Variants in WASF1 observed in about 807,000 individuals in gnomAD.
WASF1 encodes the protein actin-binding protein WASF1.
A neutral mutation model predicts 50.5 loss-of-function variants in WASF1; 7 were observed. The observed-to-expected ratio is 0.14, with a 90% CI of 0.08 to 0.26. The LOEUF (loss-of-function observed/expected upper bound fraction) is 0.26. WASF1 is among the 10% of genes least tolerant of loss of function. The probability of loss-of-function intolerance (pLI) is 1.00; values close to 1 mark genes in which losing one functional copy is unlikely to be tolerated. For synonymous variants in WASF1, 205 were observed against 244.0 expected, an observed-to-expected ratio of 0.84 and a Z score of 1.49; for missense variants, 470 against 694.7, an observed-to-expected ratio of 0.68 and a Z score of 3.64.
At chr6:110,176,262 T>C (rs184458603) in intron 2 of WASF1, among the ~76,000 whole-genome samples, 2 of 152,250 alleles carry the variant, frequency 1.3e-5, no homozygotes, top group Admixed American at 1.3e-4. Context: ...TACATATATC[T>C]TTTTTATTAC....
intron 3 of WASF1, among the ~76,000 whole-genome samples, chr6:110,136,993 T>C (rs908059224): frequency 3.3e-5 from 5 of 152,224 alleles, no homozygotes; most frequent in Admixed American, 3.3e-4. Flanking sequence ...TGTATCTTCA[T>C]GATTGATTTC....
chr6:110,101,441 T>C lies in WASF1; in HGVS notation c.1522+147A>G, dbSNP rs1392377619. The C allele has an allele frequency of 7.7e-6, 7 of 911,054 alleles. No individual in the cohort carries two copies. In the Admixed American group the frequency reaches 2.3e-4, roughly 30 times the overall value. 56.4% of individuals were successfully genotyped at this position (911,054 alleles called of 1,614,324 possible). On this transcript the variant is annotated intron_variant, in intron 10 of 10. Coordinates refer to ENST00000392589, the MANE Select transcript of WASF1 (RefSeq NM_003931.3). ...CTGGAAAATAATTTTAAATATAAGT[T>C]GGATATAGCTTTACTTTCTAAAGGC... is the stretch of plus-strand genomic sequence containing the variant.
intron 4 of WASF1, among the ~76,000 whole-genome samples, chr6:110,124,235 C>CT (rs1554201262): frequency 0.015 from 161 of 11,010 alleles, 13 homozygotes; most frequent in East Asian, 0.048. Flanking sequence ...TCCTCTCTCT[C>CT]CTCTCTCTCT....
chr6:110,112,914 A>AC (rs1773633185), intron 5 of WASF1, among the ~76,000 whole-genome samples: 1 of 147,776 alleles, frequency 6.8e-6, no homozygotes, highest in South Asian at 2.1e-4. Context: ...AAAAAACAAA[A>AC]AAAAAACCAG....
intron 3 of WASF1, among the ~76,000 whole-genome samples, chr6:110,141,089 G>A (rs1409843439): frequency 6.6e-6 from 1 of 152,012 alleles, no homozygotes; most frequent in East Asian, 1.9e-4. Context: ...TTGACCACTG[G>A]TAACTAAAAC....
chr6:110,127,383 C>T (rs759563100), intron 4 of WASF1, 86 bp downstream of exon 4: 94 of 1,213,502 alleles, frequency 7.7e-5, no homozygotes, highest in Non-Finnish European at 1.0e-4. Flanking sequence ...AATCATACTC[C>T]CAAATTAATC....
chr6:110,122,009 G>A (rs530584054), intron 4 of WASF1, among the ~76,000 whole-genome samples: 160 of 144,796 alleles, frequency 1.1e-3, no homozygotes, highest in African/African-American at 4.0e-3. Flanking sequence ...ACATGGTGGG[G>A]AACATCACAT....
intron 3 of WASF1, among the ~76,000 whole-genome samples, chr6:110,141,956 G>A (rs367873222): frequency 6.6e-6 from 1 of 151,966 alleles, no homozygotes; most frequent in East Asian, 1.9e-4. Flanking sequence ...ATTTTTAGTA[G>A]AGACAGGGTT....
rs201093908 is a variant in WASF1, at chr6:110,103,382, T to C, written c.889A>G (p.Ile297Val). The change falls in exon 9 of 11, where the codon ATC becomes GTC. Residue 297 changes from isoleucine to valine, a missense_variant. Ile to Val is a conservative substitution (Grantham distance 29, BLOSUM62 3). Around this residue, in one of 3 missense-constraint regions of WASF1, gnomAD observed 294 missense variants for 343.5 expected, o/e 0.86. Coordinates refer to ENST00000392589, the MANE Select transcript of WASF1 (RefSeq NM_003931.3). ...CATATGCTTGTTCCAACATACCTGA[T>C]ACAGGTGGGTATCGGTTTTGCATCT... The part of the protein sequence containing the change: ...AGDAKPIPTC[I>V]SSATGLIENR... 5.0e-6 allele frequency: 8 copies of C among 1,612,158 alleles called. No homozygotes were observed. Among genetic ancestry groups the C allele is most frequent in the Middle Eastern group, 1.7e-4 (1 of 6,042 alleles).
intron 3 of WASF1, among the ~76,000 whole-genome samples, chr6:110,129,240 A>G (rs1371696721): frequency 6.6e-6 from 1 of 152,170 alleles, no homozygotes; most frequent in Non-Finnish European, 1.5e-5. Context: ...GTCTACATGA[A>G]ATTTTACTAA....
chr6:110,131,125 T>C (rs1774648953), intron 3 of WASF1, among the ~76,000 whole-genome samples: 1 of 152,214 alleles, frequency 6.6e-6, no homozygotes, highest in Non-Finnish European at 1.5e-5. Context: ...TATTCCACTT[T>C]CTTAGTGATG....
At chr6:110,174,267 T>C (rs1424566948) in intron 2 of WASF1, among the ~76,000 whole-genome samples, 1 of 152,150 alleles carries the variant, frequency 6.6e-6, no homozygotes, top group Non-Finnish European at 1.5e-5. Flanking sequence ...TTCTTTTCCT[T>C]TACAGCATTC....
intron 4 of WASF1, among the ~76,000 whole-genome samples, chr6:110,118,768 T>C (rs1343965379): frequency 1.3e-5 from 2 of 151,462 alleles, no homozygotes; most frequent in Non-Finnish European, 2.9e-5. Flanking sequence ...ATCACACTTA[T>C]TTTAAAACTG....
intron 5 of WASF1, among the ~76,000 whole-genome samples, chr6:110,111,708 C>A (rs2114472682): frequency 6.6e-6 from 1 of 152,200 alleles, no homozygotes; most frequent in African/African-American, 2.4e-5. Context: ...CAGACAGATC[C>A]ATACAGACAA....
intron 4 of WASF1, among the ~76,000 whole-genome samples, chr6:110,120,880 C>G (rs1339584112): frequency 6.6e-6 from 1 of 152,130 alleles, no homozygotes; most frequent in African/African-American, 2.4e-5. Context: ...AGAAATAACA[C>G]CACACATCTA....
chr6:110,168,158 A>G (rs546794238), intron 2 of WASF1, among the ~76,000 whole-genome samples: 1 of 152,200 alleles, frequency 6.6e-6, no homozygotes, highest in Admixed American at 6.6e-5. Context: ...GACCTCTCAC[A>G]TAACAGTTAA....
intron 7 of WASF1, among the ~76,000 whole-genome samples, chr6:110,106,113 G>A (rs1307846104): frequency 6.6e-6 from 1 of 152,172 alleles, no homozygotes; most frequent in Non-Finnish European, 1.5e-5. Flanking sequence ...AAAACTGGGG[G>A]AGAAAGTACA....
Position 110,170,645 on chromosome 6 carries a change from T to C in WASF1, c.-127+7953A>G, listed in dbSNP as rs527946390. 3.3e-5 allele frequency among the ~76,000 whole-genome samples: 5 copies of C among 151,698 alleles called. No individual in the cohort carries two copies. The South Asian group carries it at 1.0e-3, about 32-fold the overall frequency. On this transcript the variant is annotated intron_variant, in intron 2 of 10. Transcript: ENST00000392589. ...AATGTGAATGGTCTAAATATGCCAA[T>C]TAAAAGATAAGAGACAGAGTAGATT...
At chr6:110,124,264 CTCTCTCTCTCTATATATATATA>C (rs1774306391) in intron 4 of WASF1, among the ~76,000 whole-genome samples, 4 of 62,784 alleles carry the variant, frequency 6.4e-5, no homozygotes, top group African/African-American at 3.3e-4. Flanking sequence ...CTCTCTCTCT[CTCTCTCTCTCTATATATATATA>C]TATATATATA....
Sources: allele counts gnomAD v4.1 joint callset (sites outside exome capture counted in the v4.1 genomes callset), GRCh38; gene constraint gnomAD v4.1.1; regional missense constraint gnomAD v4.1.1; transcripts MANE v1.5; gene names NCBI Gene and HGNC (gene_info 2026-07-23, HGNC 2026-07-21).